Variants in GABRA3 observed in about 807,000 individuals in gnomAD.
GABRA3 encodes the protein gamma-aminobutyric acid type A receptor subunit alpha3.
A neutral mutation model predicts 30.1 loss-of-function variants in GABRA3; 10 were observed. The ratio of observed to expected loss-of-function variants is 0.33; its 90% CI spans 0.20 to 0.56. GABRA3 has a LOEUF of 0.56. Ranked by LOEUF, GABRA3 falls within the 20% of genes least tolerant of loss-of-function variation. The probability of loss-of-function intolerance (pLI) is 0.89; values close to 1 mark genes in which losing one functional copy is unlikely to be tolerated. For synonymous variants in GABRA3, 151 were observed against 146.8 expected (o/e 1.03, Z -0.21); for missense variants, 233 against 392.0 (o/e 0.59, Z 3.42).
chrX:152,369,382 T>C (rs1299492012), intron 1 of GABRA3, among the ~76,000 whole-genome samples: 1 of 105,707 alleles, frequency 9.5e-6, no homozygotes, highest in Non-Finnish European at 2.0e-5. Context: ...TAAATAAATA[T>C]ATGATCTACA....
At chrX:152,275,446 C>G (rs925512175) in intron 4 of GABRA3, among the ~76,000 whole-genome samples, 4 of 103,668 alleles carry the variant, frequency 3.9e-5, no homozygotes, top group African/African-American at 1.4e-4. Flanking sequence ...TATATATTTA[C>G]ATATTTATTT....
At chrX:152,213,476 ATCTC>A (rs1205330122) in intron 6 of GABRA3, among the ~76,000 whole-genome samples, 1 of 111,724 alleles carries the variant, frequency 9.0e-6, no homozygotes, top group African/African-American at 3.3e-5. Context: ...GTAAGAGAAG[ATCTC>A]TCTGAGGGTG....
chrX:152,434,669 T>A (rs773560771), intron 1 of GABRA3, among the ~76,000 whole-genome samples: 1 of 112,000 alleles, frequency 8.9e-6, no homozygotes, highest in South Asian at 3.7e-4. Context: ...CCGAGATATA[T>A]ATAACAAGAA....
chrX:152,199,662 C>A (rs1937453050), intron 7 of GABRA3, among the ~76,000 whole-genome samples: 1 of 111,057 alleles, frequency 9.0e-6, no homozygotes. Flanking sequence ...ACTTGGGGAT[C>A]TAATAGGCAT....
chrX:152,237,570 T>C (rs1030387898), intron 5 of GABRA3, among the ~76,000 whole-genome samples: 2 of 105,276 alleles, frequency 1.9e-5, no homozygotes, highest in Admixed American at 2.1e-4. Flanking sequence ...GCATTGAATC[T>C]GTAAATTACC....
intron 6 of GABRA3, among the ~76,000 whole-genome samples, chrX:152,209,829 C>T (rs1393570750): frequency 8.9e-6 from 1 of 112,482 alleles, no homozygotes; most frequent in Non-Finnish European, 1.9e-5. Flanking sequence ...ATATTCATAA[C>T]TCTATGGTAT....
chrX:152,386,797 G>A (rs1264510339), intron 1 of GABRA3, among the ~76,000 whole-genome samples: 1 of 110,543 alleles, frequency 9.0e-6, no homozygotes, highest in African/African-American at 3.3e-5. Flanking sequence ...CCATTACTGG[G>A]TATATACCCA....
In GABRA3 at chrX:152,244,345, T is replaced by C. The variant is rs184428504; in HGVS notation, c.551+11433A>G. ...AATATTAATATAACCACTAATGTGATAGTATTAAGTGATAGGGCATTAGAG... is the reference window on the plus strand; with the variant it reads ...AATATTAATATAACCACTAATGTGACAGTATTAAGTGATAGGGCATTAGAG... On this transcript the variant is annotated intron_variant, in intron 5 of 9. Transcript: ENST00000370314. Among the ~76,000 whole-genome samples the C allele has an allele frequency of 2.9e-3, 327 of 112,087 alleles. 2 individuals are homozygous for C. The highest frequency in any genetic ancestry group is 9.9e-3 in the African/African-American group (307 of 30,877).
At chrX:152,350,902 A>G (rs1940469797) in intron 2 of GABRA3, among the ~76,000 whole-genome samples, 1 of 112,376 alleles carries the variant, frequency 8.9e-6, no homozygotes, top group African/African-American at 3.2e-5. Context: ...AACAACATTC[A>G]TCTTGCACAT....
chrX:152,330,991 G>A (rs1247914014), intron 3 of GABRA3, among the ~76,000 whole-genome samples: 2 of 110,356 alleles, frequency 1.8e-5, no homozygotes, highest in Middle Eastern at 4.3e-3. Flanking sequence ...CAAAACACTG[G>A]GTCACTTGTT....
At chrX:152,253,363 G>A (rs1384671909) in intron 5 of GABRA3, among the ~76,000 whole-genome samples, 1 of 111,076 alleles carries the variant, frequency 9.0e-6, no homozygotes, top group Non-Finnish European at 1.9e-5. Context: ...TCTTTCCCTG[G>A]ATAATCTACA....
At position 152,345,718 on chromosome X, in the gene GABRA3, G is replaced by C. The variant is rs748267716; in HGVS notation, c.141-16C>G. On this transcript the variant is annotated splice_polypyrimidine_tract_variant and intron_variant, in intron 2 of 9. Coordinates refer to ENST00000370314, the MANE Select transcript of GABRA3 (RefSeq NM_000808.4). ...AGGAGACAGCCTGAGGCAATGCAAG[G>C]AAAAGAAAAAAAATAATAGTTCTTA... 8.8e-6 allele frequency: 10 copies of C among 1,130,390 alleles called. No homozygotes were observed. Among genetic ancestry groups the C allele is most frequent in the Non-Finnish European group, 1.2e-5 (10 of 863,210 alleles). The allele number at this position is 1,130,390 out of a possible 1,213,427, so 93.2% of individuals were successfully genotyped here.
chrX:152,188,799 T>A (rs1267659316), intron 9 of GABRA3, among the ~76,000 whole-genome samples: 1 of 112,115 alleles, frequency 8.9e-6, no homozygotes, highest in Admixed American at 9.5e-5. Flanking sequence ...CTCTTCTCCA[T>A]GATTATTTGA....
intron 9 of GABRA3, among the ~76,000 whole-genome samples, chrX:152,185,939 A>G (rs1050114546): frequency 1.9e-4 from 21 of 111,947 alleles, no homozygotes; most frequent in African/African-American, 6.8e-4. Context: ...TCTGTATTTG[A>G]TTTAGCAAAT....
In GABRA3 at chrX:152,428,787, A is replaced by G. The variant is rs191545884; in HGVS notation, c.-27+22359T>C. Among the ~76,000 whole-genome samples, 203 of 111,869 alleles carry G rather than the reference A, an allele frequency of 1.8e-3. 1 individual carries two copies. The highest frequency in any genetic ancestry group is 6.2e-3 in the African/African-American group (192 of 30,799). On this transcript the variant is annotated intron_variant, in intron 1 of 9. Transcript: ENST00000370314. ...TGGAATGCCACTTGTACAATGAGAT[A>G]CTTTTTTTGCAAACATTTGGCAAGC...
At position 152,187,413 on chromosome X, in the gene GABRA3, T is replaced by A. The variant is rs909435199; in HGVS notation, c.1143+2317A>T. On this transcript the variant is annotated intron_variant, in intron 9 of 9. Coordinates refer to ENST00000370314, the MANE Select transcript of GABRA3 (RefSeq NM_000808.4). Reference sequence around the variant, plus strand: ...GAAAGAAACAATCCCTGTTTTGAAATAAAATCAGTTTTCAAACTGGTAATG... The same window carrying A: ...GAAAGAAACAATCCCTGTTTTGAAAAAAAATCAGTTTTCAAACTGGTAATG... 4.5e-5 allele frequency: 5 copies of A among 111,570 alleles called. No homozygotes were observed. The Admixed American group carries it at 4.8e-4, about 11-fold the overall frequency. The allele number at this position is 111,570 out of a possible 1,213,427, so 9.2% of individuals were successfully genotyped here.
intron 1 of GABRA3, among the ~76,000 whole-genome samples, chrX:152,378,808 G>C (rs375135199): frequency 2.8e-5 from 3 of 106,598 alleles, no homozygotes; most frequent in East Asian, 5.8e-4. Context: ...CAGAAAAGTT[G>C]ACAGTATATA....
At chrX:152,444,096 T>C (rs1012776761) in intron 1 of GABRA3, among the ~76,000 whole-genome samples, 10 of 111,139 alleles carry the variant, frequency 9.0e-5, no homozygotes, top group Non-Finnish European at 1.9e-4. Context: ...TTTTCTGTAA[T>C]GCGGTTGTTT....
chrX:152,362,678 T>G (rs1190892658), intron 2 of GABRA3, among the ~76,000 whole-genome samples: 1 of 111,558 alleles, frequency 9.0e-6, no homozygotes, highest in Non-Finnish European at 1.9e-5. Flanking sequence ...CAGATTAAAC[T>G]AGGGTGCTAG....
Sources: allele counts gnomAD v4.1 joint callset (sites outside exome capture counted in the v4.1 genomes callset), GRCh38; gene constraint gnomAD v4.1.1; transcripts MANE v1.5; gene names NCBI Gene and HGNC (gene_info 2026-07-23, HGNC 2026-07-21).